Variants in ACTN4 observed in about 807,000 individuals in gnomAD.
The protein encoded by ACTN4 is actinin alpha 4.
Under a neutral mutation model 114.2 loss-of-function variants are expected in ACTN4, and 18 were observed. The ratio of observed to expected loss-of-function variants is 0.16; its 90% CI spans 0.11 to 0.23. The LOEUF is 0.23. ACTN4 is among the 10% of genes least tolerant of loss of function. The pLI is 1.00. For synonymous variants in ACTN4, 515 were observed against 506.3 expected (o/e 1.02, Z -0.23); for missense variants, 722 against 1,262.9 (o/e 0.57, Z 6.49).
At position 38,647,910 on chromosome 19, in the gene ACTN4, G is replaced by A. The variant is rs774260013; in HGVS notation, c.162+3G>A. 54 of 1,490,636 alleles carry A rather than the reference G, an allele frequency of 3.6e-5. No homozygotes were observed. The South Asian group carries it at 5.2e-4, about 14-fold the overall frequency. 92.3% of individuals were successfully genotyped at this position (1,490,636 alleles called of 1,614,324 possible). ...CCTGGGAGAAGCAGCAGCGCAAGGT[G>A]CGCGGCCCGCGGGCCGGACGGGCTG... On this transcript the variant is annotated splice_donor_region_variant and intron_variant, in intron 1 of 20. Transcript: ENST00000252699.
At position 38,724,380 on chromosome 19, in the gene ACTN4, G is replaced by C. The variant is rs1969159017; in HGVS notation, c.1875+41G>C. 3 of 1,611,782 alleles carry C rather than the reference G, an allele frequency of 1.9e-6. No homozygotes were observed. The highest frequency in any genetic ancestry group is 2.5e-6 in the Non-Finnish European group (3 of 1,179,402). On this transcript the variant is annotated intron_variant, in intron 15 of 20. Coordinates refer to ENST00000252699, the MANE Select transcript of ACTN4 (RefSeq NM_004924.6). This position sits in a 1 kb window ranked among gnomAD's most constrained non-coding sequence, Gnocchi z 7.0. ...CCGTAGGGGCTGGGGCAGGACGGCG[G>C]GGCTGGGGGCCACCTCCCTGACCGC...
intron 1 of ACTN4, among the ~76,000 whole-genome samples, chr19:38,686,307 G>A (rs1967740115): frequency 1.3e-5 from 2 of 152,180 alleles, no homozygotes; most frequent in African/African-American, 2.4e-5. Context: ...CTGTCTCAAG[G>A]CCAGAATTGG....
intron 1 of ACTN4, among the ~76,000 whole-genome samples, chr19:38,654,869 G>T (rs926187769): frequency 1.3e-5 from 2 of 152,182 alleles, no homozygotes; most frequent in African/African-American, 4.8e-5. Flanking sequence ...CTCTGGAAGA[G>T]GTCAGTGGCC....
At chr19:38,714,093 G>A (rs1393338813) in intron 8 of ACTN4, among the ~76,000 whole-genome samples, 1 of 152,094 alleles carries the variant, frequency 6.6e-6, no homozygotes, top group Non-Finnish European at 1.5e-5. Flanking sequence ...TCCAGCTCTC[G>A]GCTTCCCATC....
At chr19:38,710,162 C>G (rs763637964) in intron 7 of ACTN4, 95 bp from the exon 8 acceptor site, 62 of 1,342,978 alleles carry the variant, frequency 4.6e-5, no homozygotes, top group Non-Finnish European at 6.0e-5. Flanking sequence ...CCCTCTCCCC[C>G]AAGGCCGTGG....
intron 1 of ACTN4, among the ~76,000 whole-genome samples, chr19:38,679,568 C>CGTGTGTGTGTGTGTGTGT (rs10583743): frequency 1.3e-3 from 186 of 145,522 alleles, no homozygotes; most frequent in East Asian, 3.8e-3. Context: ...TTTGGGTGTG[C>CGTGTGTGTGTGTGTGTGT]GTGTGTGTGT....
At chr19:38,696,981 G>C (rs997190318) in intron 1 of ACTN4, among the ~76,000 whole-genome samples, 1 of 152,222 alleles carries the variant, frequency 6.6e-6, no homozygotes, top group East Asian at 1.9e-4. Flanking sequence ...ATGTGTCCTT[G>C]TGTTTAATCC....
At position 38,718,001 on chromosome 19, in the gene ACTN4, C is replaced by T; in HGVS notation, c.1218C>T (p.Arg406=). The change falls in exon 11 of 21, where the codon CGC becomes CGT. Residue 406 remains arginine, a synonymous_variant. Coordinates refer to ENST00000252699, the MANE Select transcript of ACTN4 (RefSeq NM_004924.6). ...GYEEWLLNEI[R]RLERLDHLAE... is the part of the protein sequence containing the mutation. ...AGGAGTGGCTGCTGAATGAGATCCG[C>T]AGGCTGGAGCGGCTCGACCACCTGG... 6.2e-7 allele frequency: 1 copy of T among 1,609,002 alleles called. No individual in the cohort carries two copies. Among genetic ancestry groups the T allele is most frequent in the Admixed American group, 1.7e-5 (1 of 59,422 alleles).
At chr19:38,703,959 C>T (rs191623045) in intron 3 of ACTN4, among the ~76,000 whole-genome samples, 1,765 of 152,194 alleles carry the variant, frequency 0.012, 12 homozygotes, top group Non-Finnish European at 0.019. Flanking sequence ...CCTGGCTTGC[C>T]CAGAGGATGC....
intron 1 of ACTN4, among the ~76,000 whole-genome samples, chr19:38,679,507 G>C (rs1446008011): frequency 1.3e-5 from 2 of 151,876 alleles, no homozygotes; most frequent in Non-Finnish European, 2.9e-5. Context: ...TGTTTCATCA[G>C]TGTCTCCCAA....
chr19:38,648,469 G>A (rs1976455877), intron 1 of ACTN4, among the ~76,000 whole-genome samples: 1 of 151,996 alleles, frequency 6.6e-6, no homozygotes, highest in Admixed American at 6.6e-5. Flanking sequence ...ATGGAGTGGA[G>A]ATTGTGGGGT....
intron 8 of ACTN4, chr19:38,710,888 C>G (rs1347753415): frequency 1.4e-5 from 3 of 208,310 alleles, no homozygotes; most frequent in African/African-American, 6.9e-5. Context: ...ATGGGTCAGG[C>G]CCAACAAGAC....
chr19:38,660,925 G>C (rs1176528570), intron 1 of ACTN4, among the ~76,000 whole-genome samples: 1 of 152,148 alleles, frequency 6.6e-6, no homozygotes, highest in Admixed American at 6.5e-5. Context: ...AGGTACTTCA[G>C]ATGGAGAGGA....
At chr19:38,715,997 GT>G (rs1343394576) in intron 9 of ACTN4, among the ~76,000 whole-genome samples, 3 of 152,178 alleles carry the variant, frequency 2.0e-5, no homozygotes, top group African/African-American at 7.2e-5. Context: ...TGCCTCCCAG[GT>G]TCAAGCAGTT....
intron 1 of ACTN4, among the ~76,000 whole-genome samples, chr19:38,676,000 A>G (rs1035188915): frequency 6.6e-6 from 1 of 152,238 alleles, no homozygotes; most frequent in Non-Finnish European, 1.5e-5. Context: ...TTGGGCAAGG[A>G]AGTCTCCATT....
intron 3 of ACTN4, among the ~76,000 whole-genome samples, chr19:38,701,636 C>G (rs988495298): frequency 1.3e-5 from 2 of 152,206 alleles, no homozygotes; most frequent in African/African-American, 4.8e-5. Flanking sequence ...AGAATTTTGC[C>G]TCTGACCACC....
Position 38,717,316 on chromosome 19 carries a change from G to T in ACTN4, c.1143G>T (p.Ser381=), listed in dbSNP as rs149121081. ...TGCCCTCCGAGGGCAAGATGGTCTC[G>T]GTGAGCACCAGGATTCACATGGGAG... The part of the protein sequence containing the change: ...AFMPSEGKMV[S]DINNGWQHLE... The change falls in exon 10 of 21, where the codon TCG becomes TCT. Residue 381 remains serine, a splice_region_variant and synonymous_variant. Coordinates refer to ENST00000252699, the MANE Select transcript of ACTN4 (RefSeq NM_004924.6). The surrounding 1 kb of genome is among the most constrained non-coding windows in gnomAD (Gnocchi z 4.0). 34 of 1,613,426 alleles carry T rather than the reference G, an allele frequency of 2.1e-5. No homozygotes were observed. The highest frequency in any genetic ancestry group is 1.6e-4 in the Middle Eastern group (1 of 6,062).
At chr19:38,707,878 T>C (rs778520987) in intron 5 of ACTN4, among the ~76,000 whole-genome samples, 4 of 152,164 alleles carry the variant, frequency 2.6e-5, no homozygotes, top group African/African-American at 4.8e-5. Context: ...GAAACCGAGA[T>C]AGCCTGGCTT....
intron 1 of ACTN4, among the ~76,000 whole-genome samples, chr19:38,657,695 G>C (rs1005331121): frequency 6.6e-6 from 1 of 152,024 alleles, no homozygotes; most frequent in Non-Finnish European, 1.5e-5. Context: ...AGGCCAGTTT[G>C]AGGTTAGGAG....
Sources: allele counts gnomAD v4.1 joint callset (sites outside exome capture counted in the v4.1 genomes callset), GRCh38; gene constraint gnomAD v4.1.1; non-coding constraint Gnocchi (gnomAD v3.1); transcripts MANE v1.5; gene names NCBI Gene and HGNC (gene_info 2026-07-23, HGNC 2026-07-21).